PDE10A: variants seen among roughly 807,000 people sequenced by gnomAD.
PDE10A encodes the protein cAMP and cAMP-inhibited cGMP 3',5'-cyclic phosphodiesterase 10A.
PDE10A carries 39 observed loss-of-function variants against 97.7 expected under a neutral mutation model. The observed-to-expected ratio is 0.40, with a 90% CI of 0.31 to 0.52. The LOEUF (loss-of-function observed/expected upper bound fraction) is 0.52, where lower values mean the gene tolerates loss of function less well. PDE10A is among the 20% of genes least tolerant of loss of function. The pLI is 0.56. For synonymous variants in PDE10A, 371 were observed against 376.8 expected (o/e 0.98, Z 0.18); for missense variants, 731 against 1,047.8 (o/e 0.70, Z 4.17).
At chr6:165,978,267 A>G (rs1014334616) in intron 1 of PDE10A, among the ~76,000 whole-genome samples, 1 of 152,254 alleles carries the variant, frequency 6.6e-6, no homozygotes, top group Admixed American at 6.5e-5. Context: ...GTTGTCATGT[A>G]AATAAAATCC....
intron 1 of PDE10A, among the ~76,000 whole-genome samples, chr6:165,559,704 T>A (rs1583540054): frequency 1.3e-5 from 2 of 152,288 alleles, no homozygotes; most frequent in South Asian, 4.1e-4. Context: ...TCATCTTGAA[T>A]TGTAGCTCCC....
intron 5 of PDE10A, among the ~76,000 whole-genome samples, chr6:165,444,307 C>T (rs1790684356): frequency 6.6e-6 from 1 of 152,070 alleles, no homozygotes; most frequent in South Asian, 2.1e-4. Context: ...AATTCTTAGA[C>T]AGAAATTAAA....
Position 165,332,927 on chromosome 6 carries a change from G to A in PDE10A, c.*98C>T, listed in dbSNP as rs1781421456. The A allele has an allele frequency of 1.4e-6, 1 of 738,302 alleles. No homozygotes were observed. Among genetic ancestry groups the A allele is most frequent in the Non-Finnish European group, 2.5e-6 (1 of 407,478 alleles). The allele number at this position is 738,302 out of a possible 1,614,324, so 45.7% of individuals were successfully genotyped here. ...AAGAGGTTTGCACCCCAGTTACCAG[G>A]TGCAGGTTCCCCCCACCCCCCCCAA... On this transcript the variant is annotated 3_prime_UTR_variant, in exon 22 of 22. Transcript: ENST00000539869.
intron 1 of PDE10A, among the ~76,000 whole-genome samples, chr6:165,814,826 T>TGC (rs1263298768): frequency 6.6e-6 from 1 of 152,018 alleles, no homozygotes; most frequent in Non-Finnish European, 1.5e-5. Context: ...GACGTCACTC[T>TGC]GCGGCGTATG....
At chr6:165,532,409 A>G (rs1782834770) in intron 2 of PDE10A, among the ~76,000 whole-genome samples, 1 of 151,822 alleles carries the variant, frequency 6.6e-6, no homozygotes, top group African/African-American at 2.4e-5. Flanking sequence ...AATGGGGCAA[A>G]AATAGTAAGC....
chr6:165,622,877 G>C (rs1788210968), intron 1 of PDE10A, among the ~76,000 whole-genome samples: 1 of 152,158 alleles, frequency 6.6e-6, no homozygotes, highest in African/African-American at 2.4e-5. Context: ...TGGACCATGG[G>C]AGAGGATCCC....
chr6:165,348,714 T>G (rs1169955029), intron 18 of PDE10A, among the ~76,000 whole-genome samples: 2 of 152,218 alleles, frequency 1.3e-5, no homozygotes, highest in Admixed American at 1.3e-4. Context: ...TCTTGAATTG[T>G]AGTTCCCATA....
At chr6:165,335,843 C>T (rs750359734) in intron 21 of PDE10A, among the ~76,000 whole-genome samples, 11 of 151,966 alleles carry the variant, frequency 7.2e-5, no homozygotes, top group Admixed American at 6.6e-4. Flanking sequence ...CTGGCCCCAG[C>T]CCCCAGCCTG....
chr6:165,697,246 C>A (rs1791463896), intron 1 of PDE10A, among the ~76,000 whole-genome samples: 1 of 151,842 alleles, frequency 6.6e-6, no homozygotes, highest in African/African-American at 2.4e-5. Flanking sequence ...AAGTCAAAGA[C>A]AAGGGAACAT....
intron 1 of PDE10A, among the ~76,000 whole-genome samples, chr6:165,645,628 C>T (rs961332948): frequency 1.3e-5 from 2 of 151,932 alleles, no homozygotes; most frequent in African/African-American, 4.8e-5. Context: ...CTGAGGTGGG[C>T]AGATTACCTG....
At chr6:165,458,099 A>C (rs1427471615) in intron 3 of PDE10A, among the ~76,000 whole-genome samples, 1 of 152,168 alleles carries the variant, frequency 6.6e-6, no homozygotes, top group Non-Finnish European at 1.5e-5. Context: ...ATATTGGAAA[A>C]ATATCTTCTC....
At chr6:165,669,427 G>A (rs1005551425) in intron 1 of PDE10A, among the ~76,000 whole-genome samples, 1 of 152,168 alleles carries the variant, frequency 6.6e-6, no homozygotes, top group South Asian at 2.1e-4. Context: ...ACAAAGGAAA[G>A]GTCAACAAAG....
chr6:165,420,467 C>T (rs1051925054), intron 10 of PDE10A, among the ~76,000 whole-genome samples: 77 of 152,080 alleles, frequency 5.1e-4, no homozygotes, highest in African/African-American at 1.7e-3. Context: ...GGGGCTGAGT[C>T]GTTGGCAAAT....
At chr6:165,757,086 C>T (rs1027177510) in intron 1 of PDE10A, among the ~76,000 whole-genome samples, 6 of 152,088 alleles carry the variant, frequency 3.9e-5, no homozygotes, top group Admixed American at 6.5e-5. Flanking sequence ...TTCTGCCTCA[C>T]CCTCCCAGTA....
chr6:165,967,551 G>C (rs705797), intron 1 of PDE10A, among the ~76,000 whole-genome samples: 105,442 of 152,166 alleles, frequency 0.69, 36,868 homozygotes, highest in East Asian at 0.88. Flanking sequence ...TCGTATCTAT[G>C]GTTTTTTCTT....
At chr6:165,967,674 G>A (rs1295688809) in intron 1 of PDE10A, among the ~76,000 whole-genome samples, 2 of 152,142 alleles carry the variant, frequency 1.3e-5, no homozygotes, top group South Asian at 2.1e-4. Flanking sequence ...GAAGTGTCTT[G>A]GGCATTTTCC....
intron 5 of PDE10A, among the ~76,000 whole-genome samples, chr6:165,447,384 G>A (rs909467488): frequency 1.3e-5 from 2 of 152,168 alleles, no homozygotes; most frequent in African/African-American, 4.8e-5. Flanking sequence ...AGAATCTGCT[G>A]GGGCCCTCAT....
In PDE10A at chr6:165,374,351, T is replaced by C. The variant is rs533782872; in HGVS notation, c.2783+4843A>G. 1.7e-4 allele frequency among the ~76,000 whole-genome samples: 26 copies of C among 152,098 alleles called. 1 individual carries two copies. Among genetic ancestry groups the C allele is most frequent in the South Asian group, 1.5e-3 (7 of 4,816 alleles). On this transcript the variant is annotated intron_variant, in intron 18 of 21. Coordinates refer to ENST00000539869, the MANE Select transcript of PDE10A (RefSeq NM_001385079.1). ...ATTTGTCCTCCTGAAACTAAATCTG[T>C]TTTCAAAAGAAAATCTGAATAAGTT...
At chr6:165,441,615 T>C (rs1025071871) in intron 5 of PDE10A, among the ~76,000 whole-genome samples, 2 of 151,986 alleles carry the variant, frequency 1.3e-5, no homozygotes, top group African/African-American at 4.9e-5. Flanking sequence ...AACTACTTAC[T>C]AGGAAGTTTT....
Sources: gnomAD v4.1 joint callset for allele counts (sites outside exome capture counted in the v4.1 genomes callset) on GRCh38, gnomAD v4.1.1 for gene constraint, MANE v1.5 for transcripts, NCBI Gene and HGNC (gene_info 2026-07-23, HGNC 2026-07-21) for gene names.